The following SLC7A11 variants were observed in gnomAD, a reference collection of about 807,000 sequenced individuals.
The protein encoded by SLC7A11 is solute carrier family 7 member 11, also known as cystine/glutamate transporter.
Under a neutral mutation model 54.5 loss-of-function variants are expected in SLC7A11, and 35 were observed. The ratio of observed to expected loss-of-function variants is 0.64; its 90% CI spans 0.49 to 0.85. The LOEUF (loss-of-function observed/expected upper bound fraction) is 0.85. Among genes scored for constraint, SLC7A11 ranks in the 40% least tolerant of loss-of-function variants. The pLI, the probability that SLC7A11 is intolerant of heterozygous loss-of-function variation, is 0.00. For synonymous variants in SLC7A11, 230 were observed against 225.2 expected, an observed-to-expected ratio of 1.02 and a Z score of -0.19; for missense variants, 583 against 618.1, an observed-to-expected ratio of 0.94 and a Z score of 0.60.
At chr4:138,183,891 T>C (rs1256964390) in intron 7 of SLC7A11, among the ~76,000 whole-genome samples, 1 of 152,138 alleles carries the variant, frequency 6.6e-6, no homozygotes, top group East Asian at 1.9e-4. Context: ...CTCATGTATG[T>C]GTCAATTTCT....
intron 5 of SLC7A11, among the ~76,000 whole-genome samples, chr4:138,218,970 G>A (rs1293239768): frequency 6.6e-6 from 1 of 152,068 alleles, no homozygotes; most frequent in Non-Finnish European, 1.5e-5. Flanking sequence ...GTCCTTACTG[G>A]TACATACTTA....
chr4:138,198,708 A>C (rs1737199739), intron 6 of SLC7A11, among the ~76,000 whole-genome samples: 1 of 152,190 alleles, frequency 6.6e-6, no homozygotes, highest in Non-Finnish European at 1.5e-5. Context: ...ATAATTGGAT[A>C]TGTAAGGATT....
chr4:138,178,389 G>A (rs1299404149), intron 11 of SLC7A11, among the ~76,000 whole-genome samples: 1 of 152,002 alleles, frequency 6.6e-6, no homozygotes, highest in African/African-American at 2.4e-5. Flanking sequence ...TCATTGATGG[G>A]CATTTGGGTT....
In SLC7A11 at chr4:138,180,839, A is replaced by G. The variant is rs1184573722; in HGVS notation, c.1117-49T>C. On this transcript the variant is annotated intron_variant, in intron 9 of 11. Transcript: ENST00000280612. ...CTTGGTGAATTCAGTGAAAACACAG[A>G]TGATTAACAACAAAAACCTCACTAT... is the stretch of plus-strand genomic sequence containing the variant. 2.6e-6 allele frequency: 4 copies of G among 1,554,466 alleles called. No individual in the cohort carries two copies. In the South Asian group the frequency reaches 3.6e-5, roughly 14 times the overall value.
chr4:138,235,561 C>A (rs779012900), intron 2 of SLC7A11, among the ~76,000 whole-genome samples: 2 of 152,140 alleles, frequency 1.3e-5, no homozygotes, highest in Non-Finnish European at 2.9e-5. Flanking sequence ...CTAGTAATAT[C>A]CATTAAATTC....
rs1379287073 is a variant in SLC7A11 at position 138,172,007 on chromosome 4, G to C, written c.1455C>G (p.Thr485=). ...RWFRIMSEKI[T]RTLQIILEVV... ...CTTCCAGTATTATTTGTAATGTTCT[G>C]GTTATTTTCTCTACAAAGAAATAAA... is the stretch of plus-strand genomic sequence containing the variant. Residue 485 remains threonine, a synonymous_variant, in exon 12 of 12, where the codon ACC becomes ACG. Transcript: ENST00000280612. The C allele has an allele frequency of 6.3e-7, 1 of 1,588,258 alleles. No homozygotes were observed. Among genetic ancestry groups the C allele is most frequent in the African/African-American group, 1.4e-5 (1 of 73,298 alleles).
At chr4:138,206,077 T>C (rs1170941762) in intron 6 of SLC7A11, among the ~76,000 whole-genome samples, 2 of 151,982 alleles carry the variant, frequency 1.3e-5, no homozygotes, top group Admixed American at 1.3e-4. Context: ...AGTTTCTCAA[T>C]TTATCATACA....
chr4:138,237,737 A>ATATCTTTTTTTTTTTTTT (rs1560742768), intron 1 of SLC7A11, among the ~76,000 whole-genome samples: 1 of 9,828 alleles, frequency 1.0e-4, no homozygotes, highest in Non-Finnish European at 1.7e-4. Context: ...ATATATATAT[A>ATATCTTTTTTTTTTTTTT]TTTTTTTTTT....
rs2148403956 is a variant in SLC7A11 at position 138,169,070 on chromosome 4, G to A, written c.*2886C>T. 6.6e-6 allele frequency: 1 copy of A among 152,184 alleles called. No homozygotes were observed. Among genetic ancestry groups the A allele is most frequent in the South Asian group, 2.1e-4 (1 of 4,826 alleles). The allele number at this position is 152,184 out of a possible 1,614,324, so 9.4% of individuals were successfully genotyped here. A position where few individuals can be genotyped will look rare whatever the true frequency, so the allele number is the denominator to read the frequency against. ...AATACTATATTAGTTATTTTAAACAGTATTCATTACTTTTACTGTTTATGT... is the reference window on the plus strand; with the variant it reads ...AATACTATATTAGTTATTTTAAACAATATTCATTACTTTTACTGTTTATGT... On this transcript the variant is annotated 3_prime_UTR_variant, in exon 12 of 12. Transcript: ENST00000280612.
intron 1 of SLC7A11, among the ~76,000 whole-genome samples, chr4:138,238,000 GC>G (rs1302296366): frequency 6.7e-6 from 1 of 148,544 alleles, no homozygotes; most frequent in African/African-American, 2.5e-5. Context: ...TGATCTGCTT[GC>G]CTTGGCCTCC....
At chr4:138,199,108 T>C (rs1470319616) in intron 6 of SLC7A11, among the ~76,000 whole-genome samples, 1 of 152,044 alleles carries the variant, frequency 6.6e-6, no homozygotes, top group Non-Finnish European at 1.5e-5. Context: ...AGTAAATACA[T>C]TATATAACAC....
At chr4:138,177,946 T>C (rs1280140935) in intron 11 of SLC7A11, 1 of 152,152 alleles carries the variant, frequency 6.6e-6, no homozygotes, top group Non-Finnish European at 1.5e-5. Flanking sequence ...GTCAATATTC[T>C]GTCTTCAGCC....
chr4:138,223,331 A>G lies in SLC7A11; in HGVS notation c.521-7T>C. On this transcript the variant is annotated splice_region_variant and splice_polypyrimidine_tract_variant and intron_variant, in intron 3 of 11. Transcript: ENST00000280612. The stretch of plus-strand genomic sequence containing the variant: ...TTTAGGACCATCACTACAGCTGCAA[A>G]CAAATAGAGGAAGTTACAAAAGGTG... 6.2e-7 allele frequency: 1 copy of G among 1,612,390 alleles called. No individual in the cohort carries two copies. The highest frequency in any genetic ancestry group is 8.5e-7 in the Non-Finnish European group (1 of 1,179,006).
Position 138,182,444 on chromosome 4 carries a change from A to G in SLC7A11, c.1020-51T>C, listed in dbSNP as rs1250429049. 3 of 1,169,398 alleles carry G rather than the reference A, an allele frequency of 2.6e-6. No homozygotes were observed. The Admixed American group carries it at 5.3e-5, about 21-fold the overall frequency. 72.4% of individuals were successfully genotyped at this position (1,169,398 alleles called of 1,614,324 possible). On this transcript the variant is annotated intron_variant, in intron 8 of 11. Coordinates refer to ENST00000280612, the MANE Select transcript of SLC7A11 (RefSeq NM_014331.4). ...GTTGACTGTATGATTGATCATTTCA[A>G]AGGGAAAATCCAAAAATCCCAGAGA...
At position 138,198,478 on chromosome 4, in the gene SLC7A11, A is replaced by T. The variant is rs1292078806; in HGVS notation, c.792-13234T>A. Reference sequence around the variant, plus strand: ...AAGTATTGAGCCTCACTGGTGATCAAATGAATGCATTTTCAAACCATGAGG... The same window carrying T: ...AAGTATTGAGCCTCACTGGTGATCATATGAATGCATTTTCAAACCATGAGG... On this transcript the variant is annotated intron_variant, in intron 6 of 11. Transcript: ENST00000280612. Among the ~76,000 whole-genome samples, 6 of 152,206 alleles carry T rather than the reference A, an allele frequency of 3.9e-5. No homozygotes were observed. The East Asian group carries it at 9.6e-4, about 24-fold the overall frequency.
chr4:138,177,181 C>A (rs1259910897), intron 11 of SLC7A11: 1 of 152,072 alleles, frequency 6.6e-6, no homozygotes, highest in Non-Finnish European at 1.5e-5. Flanking sequence ...ACTAGAGATT[C>A]AATATGCATA....
intron 3 of SLC7A11, among the ~76,000 whole-genome samples, chr4:138,229,690 G>A (rs536427060): frequency 1.4e-3 from 211 of 152,236 alleles, no homozygotes; most frequent in South Asian, 3.1e-3. Context: ...TCAGAGATAC[G>A]AATTTTCCCT....
chr4:138,196,843 A>G (rs1737148614), intron 6 of SLC7A11, among the ~76,000 whole-genome samples: 1 of 152,052 alleles, frequency 6.6e-6, no homozygotes, highest in Non-Finnish European at 1.5e-5. Context: ...TATTTTTAGT[A>G]GAGACAGGGT....
intron 11 of SLC7A11, among the ~76,000 whole-genome samples, chr4:138,174,316 T>G (rs1318672017): frequency 2.6e-5 from 4 of 152,186 alleles, no homozygotes; most frequent in Non-Finnish European, 1.5e-5. Context: ...CCTAAAAGCT[T>G]GGTTTGGGTC....
Sources: allele counts gnomAD v4.1 joint callset (sites outside exome capture counted in the v4.1 genomes callset), GRCh38; gene constraint gnomAD v4.1.1; transcripts MANE v1.5; gene names NCBI Gene and HGNC (gene_info 2026-07-23, HGNC 2026-07-21).